PTPRG: variants seen among roughly 807,000 people sequenced by gnomAD.
PTPRG encodes the protein receptor-type tyrosine-protein phosphatase gamma.
In PTPRG, 102 loss-of-function variants were observed where a neutral mutation model predicts 165.3. The ratio of observed to expected loss-of-function variants is 0.62; its 90% CI spans 0.53 to 0.73. The LOEUF is 0.73. Ranked by LOEUF, PTPRG falls within the 30% of genes least tolerant of loss-of-function variation. The pLI, the probability that PTPRG is intolerant of heterozygous loss-of-function variation, is 0.00. For synonymous variants in PTPRG, 675 were observed against 669.5 expected (o/e 1.01, Z -0.13); for missense variants, 1,866 against 1,861.4 (o/e 1.00, Z -0.05).
chr3:62,064,880 T>C (rs932490304), intron 4 of PTPRG, among the ~76,000 whole-genome samples: 5 of 151,976 alleles, frequency 3.3e-5, no homozygotes, highest in African/African-American at 1.2e-4. Context: ...TACAGGCGCG[T>C]GCCACCACGC....
intron 5 of PTPRG, among the ~76,000 whole-genome samples, chr3:62,113,226 T>G (rs1242009237): frequency 2.0e-5 from 3 of 152,088 alleles, no homozygotes; most frequent in Admixed American, 6.6e-5. Flanking sequence ...GATTAAAGAT[T>G]AGCTGTGTGG....
At chr3:61,774,279 C>T (rs1247694047) in intron 2 of PTPRG, among the ~76,000 whole-genome samples, 1 of 152,190 alleles carries the variant, frequency 6.6e-6, no homozygotes, top group Non-Finnish European at 1.5e-5. Context: ...CTGGCCAGCA[C>T]ACCGGGAATG....
chr3:61,974,613 C>T (rs1173384108), intron 2 of PTPRG, among the ~76,000 whole-genome samples: 4 of 152,132 alleles, frequency 2.6e-5, no homozygotes, highest in Non-Finnish European at 5.9e-5. Flanking sequence ...TCGTGACTGA[C>T]TGTCTTTAGG....
chr3:62,128,848 A>G (rs1703411008), intron 5 of PTPRG, among the ~76,000 whole-genome samples: 1 of 151,538 alleles, frequency 6.6e-6, no homozygotes, highest in Admixed American at 6.6e-5. Flanking sequence ...TAAGTGGCAA[A>G]TTGATTGAAA....
At chr3:61,921,587 A>C (rs901639768) in intron 2 of PTPRG, among the ~76,000 whole-genome samples, 4 of 152,194 alleles carry the variant, frequency 2.6e-5, no homozygotes. Flanking sequence ...CAAACTTATT[A>C]ATTAAAAATA....
At chr3:61,927,360 C>T (rs552148516) in intron 2 of PTPRG, among the ~76,000 whole-genome samples, 31 of 152,212 alleles carry the variant, frequency 2.0e-4, no homozygotes, top group East Asian at 7.7e-4. Context: ...ATTTGGAGGC[C>T]GAGCTCTCAA....
At chr3:61,784,561 C>T (rs1398805135) in intron 2 of PTPRG, among the ~76,000 whole-genome samples, 1 of 152,102 alleles carries the variant, frequency 6.6e-6, no homozygotes, top group Non-Finnish European at 1.5e-5. Context: ...TCACTTTAAG[C>T]TTCCACAAGA....
chr3:61,857,604 T>C (rs1189123858), intron 2 of PTPRG, among the ~76,000 whole-genome samples: 1 of 152,182 alleles, frequency 6.6e-6, no homozygotes, highest in African/African-American at 2.4e-5. Context: ...TGGGGACCAA[T>C]CACAAAGTCA....
chr3:61,791,578 C>T (rs1165586359), intron 2 of PTPRG, among the ~76,000 whole-genome samples: 1 of 152,204 alleles, frequency 6.6e-6, no homozygotes, highest in African/African-American at 2.4e-5. Context: ...ACCTCTGCCT[C>T]CCAGGTTCAA....
At chr3:61,659,556 CT>C (rs1236487713) in intron 1 of PTPRG, 136 of 694,410 alleles carry the variant, frequency 2.0e-4, no homozygotes, top group Non-Finnish European at 2.3e-4. Context: ...AAGATAAACA[CT>C]TTCTTGGTAA....
chr3:61,845,385 C>G (rs1002831845), intron 2 of PTPRG, among the ~76,000 whole-genome samples: 2 of 152,216 alleles, frequency 1.3e-5, no homozygotes, highest in African/African-American at 2.4e-5. Flanking sequence ...GGGGTGGCCT[C>G]TTGAGGCAAA....
chr3:62,289,563 C>A (rs1441232807), intron 28 of PTPRG, among the ~76,000 whole-genome samples: 3 of 151,926 alleles, frequency 2.0e-5, no homozygotes, highest in Non-Finnish European at 4.4e-5. Flanking sequence ...AAAAACTTAT[C>A]CTAGTAATGT....
In PTPRG at chr3:62,289,288, C is replaced by CATGA. The variant is rs575843920; in HGVS notation, c.4056-3131_4056-3128dup. Among the ~76,000 whole-genome samples, 8 of 152,254 alleles carry CATGA rather than the reference C, an allele frequency of 5.3e-5. No individual in the cohort carries two copies. In the East Asian group the frequency reaches 1.5e-3, roughly 29 times the overall value. ...TAAATACCTATAAGAGAACATGGCA[C>CATGA]ATGAAGTACAACACACGTTAGTGAT... On this transcript the variant is annotated intron_variant, in intron 28 of 29. Coordinates refer to ENST00000474889, the MANE Select transcript of PTPRG (RefSeq NM_002841.4).
intron 5 of PTPRG, among the ~76,000 whole-genome samples, chr3:62,091,553 A>G (rs1701931100): frequency 6.6e-6 from 1 of 152,164 alleles, no homozygotes. Flanking sequence ...ACCCCAAGGA[A>G]CTGCTTAATT....
chr3:61,659,862 T>A (rs1020151780), intron 1 of PTPRG, among the ~76,000 whole-genome samples: 5 of 152,202 alleles, frequency 3.3e-5, no homozygotes, highest in South Asian at 2.1e-4. Context: ...TGGTTTTTTT[T>A]AAATAAGGAA....
chr3:62,072,617 G>A (rs1004421195), intron 4 of PTPRG, among the ~76,000 whole-genome samples: 1 of 108,586 alleles, frequency 9.2e-6, no homozygotes, highest in Non-Finnish European at 2.0e-5. Context: ...ATATGTGTAT[G>A]TGTGTGTGTG....
rs151026204 is a variant in PTPRG, at chr3:62,166,387, A to T, written c.841-1584A>T. Among the ~76,000 whole-genome samples, 168 of 151,346 alleles carry T rather than the reference A, an allele frequency of 1.1e-3. 1 individual carries two copies. The highest frequency in any genetic ancestry group is 5.9e-3 in the South Asian group (28 of 4,732). ...AGTCTCATTCCATCACCCAGGCTGG[A>T]GTGCAGTGGCACAATCTCGGTGCAC... On this transcript the variant is annotated intron_variant, in intron 7 of 29. Transcript: ENST00000474889.
intron 1 of PTPRG, among the ~76,000 whole-genome samples, chr3:61,706,237 C>T (rs2031248007): frequency 1.3e-5 from 2 of 152,014 alleles, no homozygotes; most frequent in South Asian, 4.2e-4. Flanking sequence ...GGAAAATGTA[C>T]AGAATACAAC....
At chr3:61,694,970 C>T (rs542967532) in intron 1 of PTPRG, among the ~76,000 whole-genome samples, 1 of 152,156 alleles carries the variant, frequency 6.6e-6, no homozygotes, top group African/African-American at 2.4e-5. Context: ...AGGAGACCTA[C>T]TTTTCACTGC....
Sources: allele counts gnomAD v4.1 joint callset (sites outside exome capture counted in the v4.1 genomes callset), GRCh38; gene constraint gnomAD v4.1.1; transcripts MANE v1.5; gene names NCBI Gene and HGNC (gene_info 2026-07-23, HGNC 2026-07-21).